CFAP44: variants seen among roughly 807,000 people sequenced by gnomAD.
CFAP44 encodes cilia and flagella associated protein 44, also known as cilia- and flagella-associated protein 44.
In CFAP44, 134 loss-of-function variants were observed where a neutral mutation model predicts 216.2. The observed-to-expected ratio is 0.62, with a 90% CI of 0.54 to 0.72. CFAP44 has a LOEUF of 0.72. Among genes scored for constraint, CFAP44 ranks in the 30% least tolerant of loss-of-function variants. The pLI is 0.00. For missense variants in CFAP44, 2,035 were observed against 2,182.1 expected (o/e 0.93, Z 1.34); for synonymous variants, 700 against 727.6 (o/e 0.96, Z 0.61).
chr3:113,370,516 A>G (rs1430093963), intron 18 of CFAP44, among the ~76,000 whole-genome samples: 1 of 152,176 alleles, frequency 6.6e-6, no homozygotes, highest in Non-Finnish European at 1.5e-5. Context: ...AAAGGCCTTC[A>G]ACAAAATTCA....
In CFAP44 at chr3:113,287,591, C is replaced by G. The variant is rs2107780002; in HGVS notation, c.*3966G>C. 1 of 152,732 alleles carries G rather than the reference C, an allele frequency of 6.5e-6. No homozygotes were observed. Among genetic ancestry groups the G allele is most frequent in the Non-Finnish European group, 1.5e-5 (1 of 68,280 alleles). The allele number at this position is 152,732 out of a possible 1,614,324, so 9.5% of individuals were successfully genotyped here. A position where few individuals can be genotyped will look rare whatever the true frequency, so the allele number is the denominator to read the frequency against. On this transcript the variant is annotated 3_prime_UTR_variant, in exon 35 of 35. Transcript: ENST00000393845. The stretch of plus-strand genomic sequence containing the variant: ...TCTGAAAAAGGTAGTAAATGTTTCT[C>G]TTTTTTGTTTTTTAAAACAGTGAAT...
chr3:113,395,633 C>T, intron 15 of CFAP44, 117 bp downstream of exon 15: 1 of 806,140 alleles, frequency 1.2e-6, no homozygotes, highest in South Asian at 2.0e-5. Flanking sequence ...CATCCCTGAC[C>T]CTCACTGCAG....
At chr3:113,398,073 T>C (rs908476925) in intron 13 of CFAP44, among the ~76,000 whole-genome samples, 1 of 152,170 alleles carries the variant, frequency 6.6e-6, no homozygotes, top group Non-Finnish European at 1.5e-5. Context: ...AAAAAAGCTG[T>C]ACACCATTCA....
intron 4 of CFAP44, among the ~76,000 whole-genome samples, chr3:113,423,470 T>C (rs1383976610): frequency 6.6e-6 from 1 of 152,122 alleles, no homozygotes; most frequent in Middle Eastern, 3.2e-3. Flanking sequence ...CAGAAGACAG[T>C]GGCAGACCCT....
In CFAP44 at chr3:113,294,815, T is replaced by C. The variant is rs1559902555; in HGVS notation, c.5245A>G (p.Ile1749Val). The change falls in exon 34 of 35, where the codon ATT becomes GTT. Residue 1749 changes from isoleucine (I) to valine (V), a missense_variant. Physicochemically the swap from Ile to Val is conservative, Grantham distance 29. Coordinates refer to ENST00000393845, the MANE Select transcript of CFAP44 (RefSeq NM_001164496.2). Reference sequence around the variant, plus strand: ...ATCAGTTCCCATCGCATTTGAGCAATCTTTTCCTACCAGGGTGGGAAGATG... The same window carrying C: ...ATCAGTTCCCATCGCATTTGAGCAACCTTTTCCTACCAGGGTGGGAAGATG... ...AKEMKMWEEK[I>V]AQMRWELMMK... is the part of the protein sequence containing the mutation. 1 of 1,529,158 alleles carries C rather than the reference T, an allele frequency of 6.5e-7. No homozygotes were observed. Among genetic ancestry groups the C allele is most frequent in the Non-Finnish European group, 8.7e-7 (1 of 1,144,448 alleles). 94.7% of individuals were successfully genotyped at this position (1,529,158 alleles called of 1,614,324 possible).
chr3:113,295,003 A>C (rs79390438), intron 33 of CFAP44, among the ~76,000 whole-genome samples, 182 bp from the exon 34 acceptor site: 33 of 145,742 alleles, frequency 2.3e-4, no homozygotes, highest in African/African-American at 8.2e-4. Flanking sequence ...GATTAAAGAT[A>C]AGAATATAAG....
At chr3:113,378,855 A>C (rs1466133426) in intron 17 of CFAP44, among the ~76,000 whole-genome samples, 1 of 152,114 alleles carries the variant, frequency 6.6e-6, no homozygotes, top group Non-Finnish European at 1.5e-5. Context: ...ATATGACCCC[A>C]CAGCATAGTT....
intron 5 of CFAP44, 102 bp downstream of exon 5, chr3:113,419,915 C>T (rs1432546871): frequency 1.6e-5 from 20 of 1,219,184 alleles, no homozygotes; most frequent in African/African-American, 3.0e-5. Context: ...ACCCACAATA[C>T]TGTGCATGGT....
intron 21 of CFAP44, 138 bp downstream of exon 21, chr3:113,363,003 AAAAT>A: frequency 1.4e-6 from 2 of 1,382,412 alleles, no homozygotes; most frequent in Admixed American, 6.9e-5. Context: ...AAAGATGCCC[AAAAT>A]AAATGGCTAT....
intron 18 of CFAP44, among the ~76,000 whole-genome samples, chr3:113,368,850 C>T (rs1289297704): frequency 6.6e-6 from 1 of 152,188 alleles, no homozygotes; most frequent in Non-Finnish European, 1.5e-5. Flanking sequence ...AGACCCATCT[C>T]ACTTACAGAG....
intron 32 of CFAP44, 40 bp from the exon 33 acceptor site, chr3:113,296,925 T>C: frequency 6.5e-7 from 1 of 1,534,164 alleles, no homozygotes; most frequent in Non-Finnish European, 8.7e-7. Context: ...GTTCAATGGC[T>C]CCCATTGTTA....
chr3:113,346,458 A>G (rs1950383582), intron 22 of CFAP44, among the ~76,000 whole-genome samples: 1 of 152,150 alleles, frequency 6.6e-6, no homozygotes. Flanking sequence ...GTCTAGCTAA[A>G]GGATTGTAAG....
At chr3:113,348,510 G>A (rs973804920) in intron 22 of CFAP44, among the ~76,000 whole-genome samples, 1 of 152,204 alleles carries the variant, frequency 6.6e-6, no homozygotes, top group Non-Finnish European at 1.5e-5. Flanking sequence ...TTCATTGAAG[G>A]AGAATACACA....
chr3:113,290,364 C>T lies in CFAP44; in HGVS notation c.*1193G>A, dbSNP rs1264563465. 1.3e-5 allele frequency: 2 copies of T among 152,194 alleles called. No homozygotes were observed. The highest frequency in any genetic ancestry group is 4.8e-5 in the African/African-American group (2 of 41,442). The allele number at this position is 152,194 out of a possible 1,614,324, so 9.4% of individuals were successfully genotyped here. A position where few individuals can be genotyped will look rare whatever the true frequency, so the allele number is the denominator to read the frequency against. ...ATGCTGATGTACAAAGAAAGCAAGACCTGTCTGTAATTTTGGGGGGCACAT... is the reference window on the plus strand; with the variant it reads ...ATGCTGATGTACAAAGAAAGCAAGATCTGTCTGTAATTTTGGGGGGCACAT... On this transcript the variant is annotated 3_prime_UTR_variant, in exon 35 of 35. Coordinates refer to ENST00000393845, the MANE Select transcript of CFAP44 (RefSeq NM_001164496.2).
rs1375581223 is a variant in CFAP44 at position 113,407,010 on chromosome 3, G to C, written c.922C>G (p.Leu308Val). ...FWEMAFTFTG[L>V]KLQGSLGRFG... ...CGACCTAGTGATCCCTGCAGCTTGA[G>C]ACCGGTGAACGTAAAAGCCATTTCC... is the stretch of plus-strand genomic sequence containing the variant. The change falls in exon 8 of 35, where the codon CTC becomes GTC. Residue 308 changes from leucine (L) to valine (V), a missense_variant. Physicochemically the swap from Leu to Val is conservative, Grantham distance 32. Coordinates refer to ENST00000393845, the MANE Select transcript of CFAP44 (RefSeq NM_001164496.2). 1.2e-6 allele frequency: 2 copies of C among 1,613,978 alleles called. No individual in the cohort carries two copies. Among genetic ancestry groups the C allele is most frequent in the African/African-American group, 2.7e-5 (2 of 74,910 alleles).
chr3:113,376,350 G>T (rs1365787348), intron 17 of CFAP44, among the ~76,000 whole-genome samples: 2 of 152,194 alleles, frequency 1.3e-5, no homozygotes, highest in Admixed American at 1.3e-4. Flanking sequence ...ACAAGTCTAA[G>T]TGGAGGGGAG....
intron 7 of CFAP44, among the ~76,000 whole-genome samples, chr3:113,407,310 T>C (rs548106487): frequency 6.6e-6 from 1 of 152,322 alleles, no homozygotes; most frequent in African/African-American, 2.4e-5. Flanking sequence ...TGCAGTACCC[T>C]CCAGCTATGT....
intron 18 of CFAP44, among the ~76,000 whole-genome samples, chr3:113,372,663 G>A (rs979577093): frequency 3.3e-5 from 5 of 152,140 alleles, no homozygotes; most frequent in Admixed American, 2.6e-4. Flanking sequence ...AGCCAACATG[G>A]CATATGTATA....
chr3:113,326,179 T>G (rs1455248101), intron 28 of CFAP44, among the ~76,000 whole-genome samples: 1 of 152,192 alleles, frequency 6.6e-6, no homozygotes, highest in East Asian at 1.9e-4. Flanking sequence ...TAAAAAGATG[T>G]GCTTATTAAC....
Sources: allele counts gnomAD v4.1 joint callset (sites outside exome capture counted in the v4.1 genomes callset), GRCh38; gene constraint gnomAD v4.1.1; transcripts MANE v1.5; gene names NCBI Gene and HGNC (gene_info 2026-07-23, HGNC 2026-07-21).